The following CADPS2 variants were observed in gnomAD, a reference collection of about 807,000 sequenced individuals.
CADPS2 encodes calcium-dependent secretion activator 2.
Under a neutral mutation model 172.5 loss-of-function variants are expected in CADPS2, and 93 were observed. The observed-to-expected ratio is 0.54, with a 90% CI of 0.46 to 0.64. The LOEUF is 0.64. Among genes scored for constraint, CADPS2 ranks in the 30% least tolerant of loss-of-function variants. CADPS2 has a pLI of 0.00. For missense variants in CADPS2, 1,420 were observed against 1,565.9 expected, an observed-to-expected ratio of 0.91 and a Z score of 1.57; for synonymous variants, 546 against 555.2, an observed-to-expected ratio of 0.98 and a Z score of 0.23.
rs560657129 is a variant in CADPS2 at position 122,560,916 on chromosome 7, T to C, written c.1336-6227A>G. Among the ~76,000 whole-genome samples the C allele has an allele frequency of 9.2e-5, 14 of 152,268 alleles. No homozygotes were observed. The South Asian group carries it at 2.9e-3, about 32-fold the overall frequency. ...TTTAGCAGATGTTAATAACCACATA[T>C]ATTAATATTTGCCCCAATATCAGAA... On this transcript the variant is annotated intron_variant, in intron 7 of 29. Transcript: ENST00000449022.
At chr7:122,481,498 C>T (rs527807928) in intron 11 of CADPS2, among the ~76,000 whole-genome samples, 5 of 150,942 alleles carry the variant, frequency 3.3e-5, no homozygotes, top group East Asian at 2.0e-4. Context: ...CCCAGCACTT[C>T]GGGAGCTGAG....
At chr7:122,842,337 G>T (rs575307027) in intron 1 of CADPS2, among the ~76,000 whole-genome samples, 3 of 152,150 alleles carry the variant, frequency 2.0e-5, no homozygotes, top group Non-Finnish European at 4.4e-5. Flanking sequence ...AAAAAAATCT[G>T]GTACAATGGG....
intron 6 of CADPS2, among the ~76,000 whole-genome samples, chr7:122,609,798 C>G (rs2074063075): frequency 6.6e-6 from 1 of 152,152 alleles, no homozygotes; most frequent in Non-Finnish European, 1.5e-5. Flanking sequence ...TAATTAGTAT[C>G]AGACAGAAGG....
intron 2 of CADPS2, among the ~76,000 whole-genome samples, chr7:122,732,803 ATT>A (rs1491168589): frequency 1.1e-4 from 16 of 142,770 alleles, no homozygotes; most frequent in Admixed American, 5.1e-4. Context: ...TACATTATAT[ATT>A]ATATACATAA....
chr7:122,645,381 G>T (rs2078270463), intron 3 of CADPS2, among the ~76,000 whole-genome samples: 1 of 69,824 alleles, frequency 1.4e-5, no homozygotes, highest in Non-Finnish European at 3.6e-5. Context: ...ACACACATAT[G>T]TACATGTGTG....
chr7:122,339,163 G>T (rs1479682991), intron 28 of CADPS2, among the ~76,000 whole-genome samples: 1 of 152,114 alleles, frequency 6.6e-6, no homozygotes, highest in Admixed American at 6.5e-5. Context: ...TAGTAAACAG[G>T]CTGATTACAT....
chr7:122,593,622 C>CT (rs1779308990), intron 6 of CADPS2, among the ~76,000 whole-genome samples: 2 of 152,002 alleles, frequency 1.3e-5, no homozygotes, highest in Non-Finnish European at 2.9e-5. Flanking sequence ...ATTAGTACTG[C>CT]TTTAGCTTTA....
chr7:122,692,156 G>A (rs1384094452), intron 2 of CADPS2, among the ~76,000 whole-genome samples: 4 of 152,084 alleles, frequency 2.6e-5, no homozygotes, highest in African/African-American at 4.8e-5. Flanking sequence ...GTACACCAAC[G>A]TCCTTCTCCT....
At chr7:122,824,969 T>C (rs1192340892) in intron 1 of CADPS2, among the ~76,000 whole-genome samples, 7 of 152,190 alleles carry the variant, frequency 4.6e-5, no homozygotes, top group Non-Finnish European at 7.4e-5. Flanking sequence ...CATTTTCATA[T>C]ACTAAATTTT....
At chr7:122,725,819 C>T (rs1205347325) in intron 2 of CADPS2, among the ~76,000 whole-genome samples, 1 of 151,460 alleles carries the variant, frequency 6.6e-6, no homozygotes, top group African/African-American at 2.4e-5. Context: ...TTACAAATGC[C>T]GGGAATATAC....
intron 8 of CADPS2, among the ~76,000 whole-genome samples, chr7:122,521,061 C>T (rs2131024361): frequency 6.6e-6 from 1 of 151,856 alleles, no homozygotes; most frequent in East Asian, 1.9e-4. Flanking sequence ...CTTCATTTTT[C>T]AAGGAACAAT....
chr7:122,585,227 C>T lies in CADPS2; in HGVS notation c.1224-3937G>A, dbSNP rs2133010309. Among the ~76,000 whole-genome samples the T allele has an allele frequency of 1.3e-5, 2 of 151,708 alleles. 1 individual carries two copies. The highest frequency in any genetic ancestry group is 4.2e-4 in the South Asian group (2 of 4,806). The stretch of plus-strand genomic sequence containing the variant: ...TAAATAGTTATTTATAAATATTTAT[C>T]CTTGTATCCTGGAAAGTTGGGATTT... On this transcript the variant is annotated intron_variant, in intron 6 of 29. Transcript: ENST00000449022.
chr7:122,474,626 T>C lies in CADPS2; in HGVS notation c.1862-109A>G, dbSNP rs914147930. The C allele has an allele frequency of 3.4e-5, 34 of 999,664 alleles. No individual in the cohort carries two copies. In the African/African-American group the frequency reaches 5.0e-4, roughly 15 times the overall value. The allele number at this position is 999,664 out of a possible 1,614,324, so 61.9% of individuals were successfully genotyped here. A position where few individuals can be genotyped will look rare whatever the true frequency, so the allele number is the denominator to read the frequency against. On this transcript the variant is annotated intron_variant, in intron 12 of 29. Transcript: ENST00000449022. ...GTGACTCAAGCAGAAGACTACCTTT[T>C]ATCACATGAAATATGATGCCAAGAG...
intron 27 of CADPS2, among the ~76,000 whole-genome samples, chr7:122,353,573 G>A (rs2151061845): frequency 6.6e-6 from 1 of 152,292 alleles, no homozygotes; most frequent in African/African-American, 2.4e-5. Flanking sequence ...TGCAGCGTGT[G>A]TGATAATGTT....
intron 8 of CADPS2, among the ~76,000 whole-genome samples, chr7:122,533,159 G>A (rs987005868): frequency 6.6e-5 from 10 of 151,846 alleles, no homozygotes; most frequent in Non-Finnish European, 1.3e-4. Context: ...GTCTATTTGT[G>A]CCAGATGCTA....
At chr7:122,494,083 T>C (rs1256841425) in intron 9 of CADPS2, among the ~76,000 whole-genome samples, 3 of 152,150 alleles carry the variant, frequency 2.0e-5, no homozygotes, top group Non-Finnish European at 4.4e-5. Context: ...AAGGAGATTA[T>C]CGTCGATATG....
At chr7:122,705,888 A>ATATTATATTATATAAT (rs1482452549) in intron 2 of CADPS2, among the ~76,000 whole-genome samples, 1 of 1,836 alleles carries the variant, frequency 5.4e-4, no homozygotes, top group African/African-American at 1.3e-3. Flanking sequence ...TAATATAATA[A>ATATTATATTATATAAT]ATATAATATA....
chr7:122,820,710 C>CTA (rs1381919493), intron 1 of CADPS2, among the ~76,000 whole-genome samples: 2 of 134,052 alleles, frequency 1.5e-5, no homozygotes, highest in African/African-American at 5.7e-5. Flanking sequence ...CAGGCGCCCG[C>CTA]TACCACGCCC....
At chr7:122,420,464 T>G (rs2151802587) in intron 17 of CADPS2, among the ~76,000 whole-genome samples, 1 of 152,374 alleles carries the variant, frequency 6.6e-6, no homozygotes, top group East Asian at 1.9e-4. Context: ...AGATGCATTT[T>G]TATCAAGTAC....
Sources: gnomAD v4.1 joint callset for allele counts (sites outside exome capture counted in the v4.1 genomes callset) on GRCh38, gnomAD v4.1.1 for gene constraint, MANE v1.5 for transcripts, NCBI Gene and HGNC (gene_info 2026-07-23, HGNC 2026-07-21) for gene names.